The following PCDH15 variants were observed in gnomAD, a reference collection of about 807,000 sequenced individuals.
The protein encoded by PCDH15 is protocadherin related 15.
In PCDH15, 129 loss-of-function variants were observed where a neutral mutation model predicts 178.5. The ratio of observed to expected loss-of-function variants is 0.72; its 90% CI spans 0.63 to 0.84. PCDH15 has a LOEUF of 0.84. PCDH15 is among the 40% of genes least tolerant of loss of function. PCDH15 has a pLI of 0.00. For missense variants in PCDH15, 2,230 were observed against 2,099.9 expected (o/e 1.06, Z -1.21); for synonymous variants, 800 against 732.0 (o/e 1.09, Z -1.50).
chr10:53,859,459 T>C (rs2078963739), intron 27 of PCDH15, among the ~76,000 whole-genome samples: 1 of 152,178 alleles, frequency 6.6e-6, no homozygotes, highest in Non-Finnish European at 1.5e-5. Flanking sequence ...CAAACTGTCC[T>C]CTTCTCACAT....
At chr10:54,090,280 T>A (rs1411775332) in intron 15 of PCDH15, among the ~76,000 whole-genome samples, 1 of 152,208 alleles carries the variant, frequency 6.6e-6, no homozygotes, top group East Asian at 1.9e-4. Flanking sequence ...AAATAATCAT[T>A]TTCCCAAGGT....
chr10:54,077,261 A>G (rs1266070371), intron 17 of PCDH15, among the ~76,000 whole-genome samples: 1 of 152,202 alleles, frequency 6.6e-6, no homozygotes, highest in East Asian at 1.9e-4. Flanking sequence ...ACGAGGACCT[A>G]GAAATGCTAA....
At chr10:53,808,523 T>A in intron 37 of PCDH15, 1 of 1,427,994 alleles carries the variant, frequency 7.0e-7, no homozygotes, top group Non-Finnish European at 9.1e-7. Context: ...AATATACAAA[T>A]GGATTTGGAC....
intron 14 of PCDH15, among the ~76,000 whole-genome samples, chr10:54,141,127 A>G (rs1358284178): frequency 6.6e-6 from 1 of 151,196 alleles, no homozygotes; most frequent in Non-Finnish European, 1.5e-5. Flanking sequence ...TAATATATAA[A>G]ACTATTGATG....
At chr10:55,605,254 A>G (rs1440969354) in intron 2 of PCDH15, among the ~76,000 whole-genome samples, 1 of 152,138 alleles carries the variant, frequency 6.6e-6, no homozygotes, top group South Asian at 2.1e-4. Context: ...GCAATAATCA[A>G]TAGCTTACCA....
chr10:54,621,826 AT>A (rs370552112), intron 2 of PCDH15, among the ~76,000 whole-genome samples: 1 of 152,196 alleles, frequency 6.6e-6, no homozygotes, highest in African/African-American at 2.4e-5. Context: ...GGGAAGAAAT[AT>A]TCTTCAGGAA....
chr10:53,845,382 T>C (rs368559645), intron 28 of PCDH15, among the ~76,000 whole-genome samples: 105 of 151,834 alleles, frequency 6.9e-4, no homozygotes, highest in Middle Eastern at 6.8e-3. Context: ...TAGGTATACA[T>C]CCAAAAGAAA....
intron 2 of PCDH15, among the ~76,000 whole-genome samples, chr10:54,924,519 T>C (rs1670809): frequency 0.24 from 24,271 of 100,254 alleles, 5,933 homozygotes; most frequent in Middle Eastern, 0.4. Context: ...GGAATAACCA[T>C]ATTTTTTTCC....
chr10:54,644,454 T>A (rs1449503304), intron 2 of PCDH15, among the ~76,000 whole-genome samples: 1 of 151,948 alleles, frequency 6.6e-6, no homozygotes, highest in Non-Finnish European at 1.5e-5. Flanking sequence ...ACTTGCAACA[T>A]GTCATATTAC....
chr10:53,893,472 T>C (rs958726039), intron 26 of PCDH15, among the ~76,000 whole-genome samples: 1 of 152,188 alleles, frequency 6.6e-6, no homozygotes, highest in Non-Finnish European at 1.5e-5. Flanking sequence ...TAAGAAGTCA[T>C]TATATGAAAA....
At chr10:55,570,336 A>G (rs970513286) in intron 2 of PCDH15, among the ~76,000 whole-genome samples, 2 of 152,142 alleles carry the variant, frequency 1.3e-5, no homozygotes, top group South Asian at 2.1e-4. Context: ...CCCTGTTCAC[A>G]TTTTAGAGCT....
At chr10:54,950,338 A>G (rs1838308037) in intron 2 of PCDH15, among the ~76,000 whole-genome samples, 1 of 151,938 alleles carries the variant, frequency 6.6e-6, no homozygotes, top group Non-Finnish European at 1.5e-5. Context: ...CATAATTCCC[A>G]TGTGTTGTGG....
chr10:55,262,273 G>T (rs1282831918), intron 1 of PCDH15, among the ~76,000 whole-genome samples: 1 of 152,112 alleles, frequency 6.6e-6, no homozygotes, highest in Non-Finnish European at 1.5e-5. Flanking sequence ...GGGGGGCAAA[G>T]AAGTCCTGGG....
At chr10:55,375,226 T>C (rs915723196) in intron 2 of PCDH15, among the ~76,000 whole-genome samples, 1 of 152,154 alleles carries the variant, frequency 6.6e-6, no homozygotes, top group African/African-American at 2.4e-5. Flanking sequence ...ATGTGGCTGC[T>C]TTCCGGTGAG....
At chr10:55,510,279 T>C (rs1427825181) in intron 2 of PCDH15, among the ~76,000 whole-genome samples, 1 of 152,006 alleles carries the variant, frequency 6.6e-6, no homozygotes, top group Non-Finnish European at 1.5e-5. Context: ...AATCACATAT[T>C]GATTTGGAAT....
intron 32 of PCDH15, chr10:53,821,327 TTA>T (rs2076260260): frequency 2.0e-6 from 2 of 989,114 alleles, no homozygotes; most frequent in Non-Finnish European, 2.4e-6. Flanking sequence ...TTGAAATACC[TTA>T]TGTCTGTCAT....
At chr10:54,075,990 C>T (rs964369620) in intron 17 of PCDH15, among the ~76,000 whole-genome samples, 17 of 152,038 alleles carry the variant, frequency 1.1e-4, no homozygotes, top group South Asian at 2.1e-4. Flanking sequence ...ATTATTTCTA[C>T]AAATAACATC....
At chr10:54,953,146 G>A (rs531345232) in intron 2 of PCDH15, among the ~76,000 whole-genome samples, 10 of 151,412 alleles carry the variant, frequency 6.6e-5, no homozygotes, top group Admixed American at 6.6e-4. Flanking sequence ...TTATTTGTTT[G>A]TTTATTATTT....
At chr10:54,311,124 G>A (rs2060878626) in intron 8 of PCDH15, among the ~76,000 whole-genome samples, 1 of 152,042 alleles carries the variant, frequency 6.6e-6, no homozygotes, top group African/African-American at 2.4e-5. Context: ...TGAGATGTTT[G>A]TCACTAGAAA....
Sources: allele counts gnomAD v4.1 joint callset (sites outside exome capture counted in the v4.1 genomes callset), GRCh38; gene constraint gnomAD v4.1.1; transcripts MANE v1.5; gene names NCBI Gene and HGNC (gene_info 2026-07-23, HGNC 2026-07-21).